The following PPP2R2B variants were observed in gnomAD, a reference collection of about 807,000 sequenced individuals.
PPP2R2B encodes the protein protein phosphatase 2 regulatory subunit Bbeta.
A neutral mutation model predicts 46.0 loss-of-function variants in PPP2R2B; 5 were observed. The ratio of observed to expected loss-of-function variants is 0.11; its 90% CI spans 0.06 to 0.23. PPP2R2B has a LOEUF of 0.23. PPP2R2B is among the 10% of genes least tolerant of loss of function. The pLI is 1.00. For missense variants in PPP2R2B, 367 were observed against 575.0 expected, an observed-to-expected ratio of 0.64 and a Z score of 3.70; for synonymous variants, 215 against 206.7, an observed-to-expected ratio of 1.04 and a Z score of -0.34.
At chr5:146,630,319 C>T (rs1774342540) in intron 7 of PPP2R2B, among the ~76,000 whole-genome samples, 1 of 152,226 alleles carries the variant, frequency 6.6e-6, no homozygotes, top group African/African-American at 2.4e-5. Context: ...AATTTTCTTA[C>T]AGCTTTTTTA....
At chr5:146,804,466 T>C (rs944820539) in intron 2 of PPP2R2B, among the ~76,000 whole-genome samples, 4 of 152,130 alleles carry the variant, frequency 2.6e-5, no homozygotes, top group Non-Finnish European at 5.9e-5. Flanking sequence ...CTCCATCCCC[T>C]CTAACCCTGC....
rs879927339 is a variant in PPP2R2B at position 146,976,120 on chromosome 5, A to ATTATTG, written c.79+79544_79+79545insCAATAA. Among the ~76,000 whole-genome samples the ATTATTG allele has an allele frequency of 9.1e-3, 947 of 103,512 alleles. 11 individuals carry two copies. Among genetic ancestry groups the ATTATTG allele is most frequent in the Admixed American group, 0.015 (141 of 9,636 alleles). The allele number at this position is 103,512 out of a possible 152,430, so 67.9% of individuals were successfully genotyped here. On this transcript the variant is annotated intron_variant, in intron 1 of 8. Coordinates refer to the PPP2R2B transcript ENST00000336640. ...ATTTTTTAAAAAATTTATTATTATT[A>ATTATTG]TTATTATTATTATTATTATTATTAT...
chr5:146,599,652 G>GTTTT, intron 8 of PPP2R2B, among the ~76,000 whole-genome samples: 1 of 152,226 alleles, frequency 6.6e-6, no homozygotes, highest in South Asian at 2.1e-4. Flanking sequence ...AACACACTGT[G>GTTTT]TTTTTAATTA....
chr5:146,824,736 T>C (rs1758465169), intron 2 of PPP2R2B, among the ~76,000 whole-genome samples: 2 of 146,616 alleles, frequency 1.4e-5, no homozygotes, highest in Admixed American at 6.9e-5. Context: ...CAAGAATCAA[T>C]ACTTTTTTTT....
intron 1 of PPP2R2B, among the ~76,000 whole-genome samples, chr5:147,005,099 G>A (rs1754374611): frequency 6.6e-6 from 1 of 152,154 alleles, no homozygotes; most frequent in Non-Finnish European, 1.5e-5. Context: ...ATGTATGTGT[G>A]AGGCCCTCAA....
chr5:146,701,356 A>G, intron 2 of PPP2R2B: 1 of 696,142 alleles, frequency 1.4e-6, no homozygotes, highest in Non-Finnish European at 2.6e-6. Flanking sequence ...GGTCTCCTGG[A>G]ACATCTGGAG....
chr5:146,966,423 C>G (rs546119501), intron 1 of PPP2R2B, among the ~76,000 whole-genome samples: 1 of 152,280 alleles, frequency 6.6e-6, no homozygotes, highest in South Asian at 2.1e-4. Context: ...TATCTTCGCG[C>G]AGTTGTCAAA....
intron 1 of PPP2R2B, among the ~76,000 whole-genome samples, chr5:147,040,259 T>G (rs981025192): frequency 6.6e-6 from 1 of 152,204 alleles, no homozygotes; most frequent in Non-Finnish European, 1.5e-5. Context: ...TAAATAATTT[T>G]GTATGATACC....
chr5:146,946,793 A>G lies in PPP2R2B; in HGVS notation c.79+108872T>C, dbSNP rs183997284. On this transcript the variant is annotated intron_variant, in intron 1 of 8. Coordinates refer to the PPP2R2B transcript ENST00000336640. ...CAGAGGAGGCCGAAGCCATTACAGAAGGATTGTTTCCATCTAAACAATTCC... is the reference window on the plus strand; with the variant it reads ...CAGAGGAGGCCGAAGCCATTACAGAGGGATTGTTTCCATCTAAACAATTCC... Among the ~76,000 whole-genome samples the G allele has an allele frequency of 3.4e-3, 515 of 152,196 alleles. 2 individuals are homozygous for G. Among genetic ancestry groups the G allele is most frequent in the Non-Finnish European group, 4.7e-3 (320 of 67,998 alleles).
intron 7 of PPP2R2B, among the ~76,000 whole-genome samples, chr5:146,633,895 G>A (rs917349249): frequency 3.9e-5 from 6 of 152,196 alleles, no homozygotes; most frequent in Admixed American, 1.3e-4. Flanking sequence ...GTCTTGTAGA[G>A]TCCTCAACAC....
chr5:146,872,563 C>A (rs1023168843), intron 2 of PPP2R2B, among the ~76,000 whole-genome samples: 10 of 152,146 alleles, frequency 6.6e-5, no homozygotes, highest in Non-Finnish European at 1.0e-4. Context: ...TAAGTTTCCC[C>A]TTTCTTGAGC....
chr5:146,929,845 G>A (rs907176895), intron 1 of PPP2R2B, among the ~76,000 whole-genome samples: 1 of 152,060 alleles, frequency 6.6e-6, no homozygotes, highest in Non-Finnish European at 1.5e-5. Context: ...TGTAAAATAA[G>A]GTAGTATGTA....
intron 2 of PPP2R2B, among the ~76,000 whole-genome samples, chr5:146,768,602 T>C (rs186162885): frequency 6.6e-6 from 1 of 152,328 alleles, no homozygotes; most frequent in Admixed American, 6.5e-5. Flanking sequence ...GAATATAAAC[T>C]GGCTTTCCAC....
At chr5:146,619,927 A>G (rs993138536) in intron 7 of PPP2R2B, among the ~76,000 whole-genome samples, 1 of 152,194 alleles carries the variant, frequency 6.6e-6, no homozygotes. Flanking sequence ...ATTTTTAAAT[A>G]TTATCTGTTC....
At chr5:146,816,184 G>C (rs938782480) in intron 2 of PPP2R2B, among the ~76,000 whole-genome samples, 1 of 152,040 alleles carries the variant, frequency 6.6e-6, no homozygotes, top group Non-Finnish European at 1.5e-5. Flanking sequence ...CAGGAGGCTC[G>C]CTTGAGCCCA....
At chr5:146,608,087 C>G (rs1451173161) in intron 7 of PPP2R2B, among the ~76,000 whole-genome samples, 1 of 152,190 alleles carries the variant, frequency 6.6e-6, no homozygotes, top group African/African-American at 2.4e-5. Context: ...GTGAGTCAGA[C>G]TTGGCTGTAT....
chr5:146,811,705 C>T (rs1022417841), intron 2 of PPP2R2B, among the ~76,000 whole-genome samples: 80 of 150,180 alleles, frequency 5.3e-4, no homozygotes, highest in Middle Eastern at 3.4e-3. Context: ...TGACTACAGG[C>T]GCCCACCACC....
intron 2 of PPP2R2B, among the ~76,000 whole-genome samples, chr5:146,753,715 G>A (rs1753687463): frequency 6.6e-6 from 1 of 152,118 alleles, no homozygotes; most frequent in African/African-American, 2.4e-5. Context: ...CTTGCCATAG[G>A]AAGGCTCAGC....
At chr5:146,617,246 A>G (rs1447868822) in intron 7 of PPP2R2B, among the ~76,000 whole-genome samples, 1 of 152,208 alleles carries the variant, frequency 6.6e-6, no homozygotes, top group East Asian at 1.9e-4. Context: ...AAGTGGGTTA[A>G]TGGTTAATGG....
Sources: allele counts gnomAD v4.1 joint callset (sites outside exome capture counted in the v4.1 genomes callset), GRCh38; gene constraint gnomAD v4.1.1; transcripts MANE v1.5; gene names NCBI Gene and HGNC (gene_info 2026-07-23, HGNC 2026-07-21).